Variants in SOX5 observed in about 807,000 individuals in gnomAD.
SOX5 encodes SRY-box transcription factor 5.
SOX5 carries 9 observed loss-of-function variants against 92.0 expected under a neutral mutation model. The ratio of observed to expected loss-of-function variants is 0.10; its 90% confidence interval spans 0.06 to 0.17. The LOEUF (loss-of-function observed/expected upper bound fraction) is 0.17, where lower values mean the gene tolerates loss of function less well. Among genes scored for constraint, SOX5 ranks in the 10% least tolerant of loss-of-function variants. The pLI is 1.00. For synonymous variants in SOX5, 344 were observed against 336.3 expected (o/e 1.02, Z -0.25); for missense variants, 642 against 944.5 (o/e 0.68, Z 4.20).
chr12:23,571,007 T>A (rs145339083), intron 10 of SOX5, among the ~76,000 whole-genome samples: 7 of 131,932 alleles, frequency 5.3e-5, no homozygotes, highest in Non-Finnish European at 1.1e-4. Context: ...GTATTTTTGG[T>A]GGTACATGCC....
chr12:24,432,277 T>G (rs1219094861), intron 1 of SOX5, among the ~76,000 whole-genome samples: 5 of 152,188 alleles, frequency 3.3e-5, no homozygotes, highest in African/African-American at 1.2e-4. Context: ...TTCACATCCT[T>G]GTCCATTAAA....
intron 3 of SOX5, among the ~76,000 whole-genome samples, chr12:23,791,331 C>T (rs1241467198): frequency 6.6e-6 from 1 of 152,180 alleles, no homozygotes; most frequent in Non-Finnish European, 1.5e-5. Context: ...CACTATGTTG[C>T]CCAGGCTGGA....
At chr12:24,086,194 CA>C (rs1943974908) in intron 4 of SOX5, among the ~76,000 whole-genome samples, 1 of 151,356 alleles carries the variant, frequency 6.6e-6, no homozygotes, top group African/African-American at 2.4e-5. Context: ...AAATGCAGTA[CA>C]TTTTTTTTTT....
intron 4 of SOX5, among the ~76,000 whole-genome samples, chr12:24,011,438 C>G (rs1952922782): frequency 6.6e-6 from 1 of 152,084 alleles, no homozygotes; most frequent in South Asian, 2.1e-4. Flanking sequence ...TAAAATTTTC[C>G]TTATATATTT....
chr12:24,496,704 C>T (rs190198466), intron 1 of SOX5, among the ~76,000 whole-genome samples: 170 of 152,258 alleles, frequency 1.1e-3, no homozygotes, highest in Non-Finnish European at 2.0e-3. Context: ...TTCCACCATT[C>T]GTTTATACCG....
Position 23,888,560 on chromosome 12 carries a change from T to C in SOX5, c.270+7233A>G, listed in dbSNP as rs76217919. 7.2e-3 allele frequency among the ~76,000 whole-genome samples: 1,103 copies of C among 152,322 alleles called. 10 individuals are homozygous for C. The highest frequency in any genetic ancestry group is 9.8e-3 in the Non-Finnish European group (666 of 68,022). On this transcript the variant is annotated intron_variant, in intron 2 of 14. Transcript: ENST00000451604. ...AACATTTGACTCCTTCTCCCACCAC[T>C]GGATTGAATGGAATTTTATGGCAAC...
rs113489063 is a variant in SOX5 at position 24,164,220 on chromosome 12, G to A, written c.-2+49123C>T. Among the ~76,000 whole-genome samples the A allele has an allele frequency of 2.2e-3, 341 of 152,084 alleles. 2 individuals carry two copies. Among genetic ancestry groups the A allele is most frequent in the African/African-American group, 7.9e-3 (330 of 41,522 alleles). On this transcript the variant is annotated intron_variant, in intron 4 of 4. Coordinates refer to the SOX5 transcript ENST00000446891. ...ACACACTGGCTGTTATGAGACAGAA[G>A]TAAAATACCCATCAGTAGAACTGTA...
chr12:24,186,791 T>C (rs1335367219), intron 4 of SOX5, among the ~76,000 whole-genome samples: 5 of 152,274 alleles, frequency 3.3e-5, no homozygotes, highest in African/African-American at 4.8e-5. Flanking sequence ...ACAAAGACTA[T>C]ATGCCAAAAT....
chr12:23,602,628 T>C (rs1248496634), intron 9 of SOX5, among the ~76,000 whole-genome samples: 1 of 151,940 alleles, frequency 6.6e-6, no homozygotes, highest in Non-Finnish European at 1.5e-5. Flanking sequence ...AAAGCCTCAT[T>C]ACGAAACATG....
At chr12:23,996,518 G>A (rs1951047371) in intron 4 of SOX5, among the ~76,000 whole-genome samples, 1 of 152,132 alleles carries the variant, frequency 6.6e-6, no homozygotes, top group Admixed American at 6.5e-5. Flanking sequence ...AGTGTTCAAA[G>A]CAGCACTATT....
At chr12:24,139,928 A>G (rs893010350) in intron 4 of SOX5, among the ~76,000 whole-genome samples, 2 of 152,162 alleles carry the variant, frequency 1.3e-5, no homozygotes, top group South Asian at 2.1e-4. Flanking sequence ...GTGCACCGTC[A>G]TCAGAATCCA....
chr12:24,465,854 G>A (rs1017704886), intron 1 of SOX5, among the ~76,000 whole-genome samples: 1 of 152,166 alleles, frequency 6.6e-6, no homozygotes, highest in African/African-American at 2.4e-5. Flanking sequence ...AGGGCTTTCG[G>A]GAGAACCTGC....
chr12:24,301,951 G>T (rs1037400473), intron 2 of SOX5, among the ~76,000 whole-genome samples: 7 of 150,994 alleles, frequency 4.6e-5, no homozygotes, highest in African/African-American at 1.7e-4. Context: ...TTGCTACAAA[G>T]TATATATATA....
At chr12:23,596,729 G>A (rs947555684) in intron 9 of SOX5, among the ~76,000 whole-genome samples, 7 of 152,106 alleles carry the variant, frequency 4.6e-5, no homozygotes, top group African/African-American at 1.7e-4. Context: ...CTACAGAAAC[G>A]TACTTTTGCT....
chr12:24,281,430 A>G (rs1040709050), intron 2 of SOX5, among the ~76,000 whole-genome samples: 5 of 152,182 alleles, frequency 3.3e-5, no homozygotes, highest in African/African-American at 4.8e-5. Flanking sequence ...TCTCTTCACA[A>G]TAACAGCTGA....
In SOX5 at chr12:23,865,612, T is replaced by C. The variant is rs112159543; in HGVS notation, c.271-19419A>G. 4.7e-3 allele frequency among the ~76,000 whole-genome samples: 708 copies of C among 150,966 alleles called. 6 individuals are homozygous for C. The highest frequency in any genetic ancestry group is 0.017 in the African/African-American group (687 of 41,030). ...ATCACTTGAACCCGGGAGGCGGAGG[T>C]TGCAGTGAGCCGAGATCACACCACT... On this transcript the variant is annotated intron_variant, in intron 2 of 14. Coordinates refer to ENST00000451604, the MANE Select transcript of SOX5 (RefSeq NM_006940.6).
intron 1 of SOX5, among the ~76,000 whole-genome samples, chr12:24,408,151 T>A (rs964272174): frequency 1.4e-4 from 22 of 152,064 alleles, no homozygotes; most frequent in Non-Finnish European, 2.9e-5. Context: ...CAAAAAAGGC[T>A]CTGCGACTGC....
At chr12:24,221,067 A>AT (rs1344161307) in intron 3 of SOX5, among the ~76,000 whole-genome samples, 1 of 152,212 alleles carries the variant, frequency 6.6e-6, no homozygotes, top group Non-Finnish European at 1.5e-5. Context: ...CAGAGCTGAG[A>AT]TTTTAACTCA....
chr12:23,869,010 G>C (rs2096845060), intron 2 of SOX5, among the ~76,000 whole-genome samples: 1 of 151,880 alleles, frequency 6.6e-6, no homozygotes, highest in Non-Finnish European at 1.5e-5. Context: ...AATCTTTCAG[G>C]TCAGGCCCAT....
Sources: gnomAD v4.1 joint callset for allele counts (sites outside exome capture counted in the v4.1 genomes callset) on GRCh38, gnomAD v4.1.1 for gene constraint, MANE v1.5 for transcripts, NCBI Gene and HGNC (gene_info 2026-07-23, HGNC 2026-07-21) for gene names.